The following WASHC1 variants were observed in gnomAD, a reference collection of about 807,000 sequenced individuals.
The protein encoded by WASHC1 is CXYorf1-like protein on chromosome 9.
A neutral mutation model predicts 26.1 loss-of-function variants in WASHC1; 11 were observed. The ratio of observed to expected loss-of-function variants is 0.42; its 90% CI spans 0.27 to 0.70. The LOEUF is 0.70. Among genes scored for constraint, WASHC1 ranks in the 30% least tolerant of loss-of-function variants. The probability of loss-of-function intolerance (pLI) is 0.24; values close to 1 mark genes in which losing one functional copy is unlikely to be tolerated. For missense variants in WASHC1, 96 were observed against 304.9 expected (o/e 0.31, Z 5.10); for synonymous variants, 37 against 126.6 (o/e 0.29, Z 4.75).
exon 11 of WASHC1, chr9:14,573 A>C: frequency 1.4e-6 from 1 of 692,900 alleles, no homozygotes; most frequent in South Asian, 1.9e-5. Flanking sequence ...CCTCTTAAGA[A>C]CACAGTGGCG....
At chr9:14,771 A>T in exon 11 of WASHC1, 2 of 1,523,900 alleles carry the variant, frequency 1.3e-6, no homozygotes, top group East Asian at 4.5e-5. Context: ...CAACGGCCCA[A>T]GTCTGGGTCT....
intron 9 of WASHC1, 101 bp downstream of exon 9, chr9:15,808 G>C (rs1816213280): frequency 8.4e-7 from 1 of 1,188,426 alleles, no homozygotes; most frequent in Non-Finnish European, 1.1e-6. Flanking sequence ...CAGCTGGCAG[G>C]AGCAGGGGGT....
intron 9 of WASHC1, 119 bp from the exon 10 acceptor site, chr9:15,268 C>T: frequency 3.5e-6 from 1 of 289,170 alleles, no homozygotes; most frequent in Non-Finnish European, 5.9e-6. Flanking sequence ...TCCTAGTTAG[C>T]TCAGAGCCTC....
chr9:14,515 G>A, exon 11 of WASHC1: 1 of 561,828 alleles, frequency 1.8e-6, no homozygotes, highest in Non-Finnish European at 3.2e-6. Context: ...GCACACTGTT[G>A]GTTTCTGCTC....
intron 2 of WASHC1, among the ~76,000 whole-genome samples, chr9:21,808 A>G: frequency 6.6e-6 from 1 of 151,136 alleles, no homozygotes; most frequent in African/African-American, 2.4e-5. Context: ...ACGGAAAGTC[A>G]GCCTCTCATG....
At chr9:30,240 CATT>C, upstream of WASHC1, 1 of 245,078 alleles carries the variant, frequency 4.1e-6, no homozygotes. Flanking sequence ...TGCTAAAAAA[CATT>C]ATTGGTTGTT....
Position 15,890 on chromosome 9 carries a change from G to T in WASHC1, c.1195+19C>A, listed in dbSNP as rs1223278252. On this transcript the variant is annotated intron_variant, in intron 9 of 10. Transcript: ENST00000442898. ...TCTTGCCCAAGGCCCTCCAACCGCA[G>T]GCTCCAGGGCCCGCTCACCTTGCTC... 1 of 1,393,662 alleles carries T rather than the reference G, an allele frequency of 7.2e-7. No individual in the cohort carries two copies. The highest frequency in any genetic ancestry group is 1.9e-5 in the Admixed American group (1 of 52,544). 86.3% of individuals were successfully genotyped at this position (1,393,662 alleles called of 1,614,324 possible).
At chr9:14,965 G>T in intron 10 of WASHC1, 25 bp from the exon 11 acceptor site, 1 of 1,289,918 alleles carries the variant, frequency 7.8e-7, no homozygotes, top group African/African-American at 1.9e-5. Flanking sequence ...CTGAGTGAGG[G>T]TGGTTGGTGG....
chr9:22,354 TACC>T (rs1465107415), intron 2 of WASHC1, among the ~76,000 whole-genome samples: 2 of 142,924 alleles, frequency 1.4e-5, no homozygotes, highest in Non-Finnish European at 3.0e-5. Context: ...GTCACCTTGC[TACC>T]ACGAGAGCAT....
chr9:15,838 G>A, intron 9 of WASHC1, 71 bp downstream of exon 9: 1 of 1,358,820 alleles, frequency 7.4e-7, no homozygotes, highest in Non-Finnish European at 9.9e-7. Flanking sequence ...GCACCCGGTG[G>A]ACTCAGGGCT....
chr9:22,432 G>A (rs1817068121), intron 2 of WASHC1, among the ~76,000 whole-genome samples: 1 of 119,336 alleles, frequency 8.4e-6, no homozygotes, highest in Non-Finnish European at 1.6e-5. Flanking sequence ...GCAAAACCAG[G>A]CCCTGAGGAC....
chr9:24,118 G>A (rs2130463484), intron 2 of WASHC1, among the ~76,000 whole-genome samples: 1 of 69,658 alleles, frequency 1.4e-5, no homozygotes, highest in South Asian at 5.1e-4. Context: ...GACCAAGCCA[G>A]GCTTCCCATG....
rs540244107 is a variant in WASHC1, at chr9:17,075, T to C, written c.773A>G (p.Asn258Ser). The C allele has an allele frequency of 4.4e-5, 65 of 1,469,338 alleles. 6 individuals are homozygous for C. The African/African-American group carries it at 9.9e-4, about 22-fold the overall frequency. 91.0% of individuals were successfully genotyped at this position (1,469,338 alleles called of 1,614,324 possible). Reference sequence around the variant, plus strand: ...CAGGTCGGCACTGTACATGAGGTCGTTGGCAATGCCGGGCAGGTCAGGCAG... The same window carrying C: ...CAGGTCGGCACTGTACATGAGGTCGCTGGCAATGCCGGGCAGGTCAGGCAG... Residue 258 changes from asparagine (N) to serine (S), a missense_variant, in exon 7 of 11, where the codon AAC becomes AGC. Coordinates refer to ENST00000442898, the Ensembl canonical transcript of WASHC1.
intron 9 of WASHC1, 148 bp downstream of exon 9, chr9:15,761 C>G: frequency 1.4e-6 from 1 of 734,298 alleles, no homozygotes; most frequent in Non-Finnish European, 2.0e-6. Context: ...GGTGGCGGCC[C>G]AGGGCTTCCA....
chr9:29,574 A>AC (rs1817605952), intron 1 of WASHC1, 118 bp from the exon 1 acceptor site: 1 of 123,968 alleles, frequency 8.1e-6, no homozygotes, highest in Non-Finnish European at 1.7e-5. Flanking sequence ...CTACGCCTTG[A>AC]CCCGCTTTCC....
chr9:16,110 C>G, intron 8 of WASHC1, 49 bp from the exon 9 acceptor site: 1 of 685,962 alleles, frequency 1.5e-6, no homozygotes, highest in Non-Finnish European at 2.5e-6. Flanking sequence ...GCTGCTCAGG[C>G]AGGGCTGGGG....
intron 9 of WASHC1, 27 bp downstream of exon 9, chr9:15,882 C>G (rs1383587795): frequency 7.2e-7 from 1 of 1,397,994 alleles, no homozygotes; most frequent in Non-Finnish European, 9.6e-7. Context: ...CAAGGCCCTC[C>G]AACCGCAGGC....
At chr9:21,759 TC>T (rs1816958397) in intron 2 of WASHC1, among the ~76,000 whole-genome samples, 1 of 150,722 alleles carries the variant, frequency 6.6e-6, no homozygotes, top group Non-Finnish European at 1.5e-5. Context: ...AGGGCAAAGC[TC>T]CCTCAGCCCC....
exon 11 of WASHC1, chr9:14,787 G>A (rs752721342): frequency 7.2e-6 from 11 of 1,535,476 alleles, no homozygotes; most frequent in South Asian, 1.1e-5. Context: ...GGTCTGGGGG[G>A]GAAGGTGTCA....
Sources: allele counts gnomAD v4.1 joint callset (sites outside exome capture counted in the v4.1 genomes callset), GRCh38; gene constraint gnomAD v4.1.1; transcripts MANE v1.5; gene names NCBI Gene and HGNC (gene_info 2026-07-23, HGNC 2026-07-21).